The following PIGF variants were observed in gnomAD, a reference collection of about 807,000 sequenced individuals.
PIGF encodes the protein phosphatidylinositol glycan anchor biosynthesis class F, also known as GPI ethanolamine phosphate transferase, stabilizing subunit.
PIGF carries 23 observed loss-of-function variants against 26.0 expected under a neutral mutation model. The ratio of observed to expected loss-of-function variants is 0.88; its 90% CI spans 0.64 to 1.25. The LOEUF is 1.25. Ranked by LOEUF, PIGF falls within the 50% of genes most tolerant of loss-of-function variation. The pLI is 0.00. For synonymous variants in PIGF, 93 were observed against 92.6 expected, an observed-to-expected ratio of 1.00 and a Z score of -0.03; for missense variants, 278 against 249.9, an observed-to-expected ratio of 1.11 and a Z score of -0.76.
chr2:46,598,105 G>T (rs1057072229), intron 4 of PIGF, among the ~76,000 whole-genome samples: 1 of 151,216 alleles, frequency 6.6e-6, no homozygotes, highest in African/African-American at 2.4e-5. Context: ...GTTTGACTAG[G>T]GAATCTTTTC....
At chr2:46,593,163 T>C (rs567880937) in intron 4 of PIGF, among the ~76,000 whole-genome samples, 2 of 146,664 alleles carry the variant, frequency 1.4e-5, no homozygotes, top group African/African-American at 5.0e-5. Context: ...AGACGGAGTC[T>C]CACTCTGTGT....
intron 4 of PIGF, among the ~76,000 whole-genome samples, chr2:46,593,151 T>C (rs1258208071): frequency 6.6e-6 from 1 of 151,260 alleles, no homozygotes; most frequent in Non-Finnish European, 1.5e-5. Flanking sequence ...TTTTTTTTTT[T>C]CAGACGGAGT....
At chr2:46,581,760 T>A in intron 5 of PIGF, 169 bp from the exon 6 acceptor site, 1 of 960,882 alleles carries the variant, frequency 1.0e-6, no homozygotes, top group Non-Finnish European at 1.5e-6. Context: ...AATGTACACA[T>A]TTTAGTTAAT....
At chr2:46,608,846 G>A (rs1446372183) in intron 4 of PIGF, among the ~76,000 whole-genome samples, 1 of 152,134 alleles carries the variant, frequency 6.6e-6, no homozygotes, top group African/African-American at 2.4e-5. Context: ...AAACAGATGT[G>A]CTGTCATCCA....
chr2:46,612,804 G>C (rs1205703685), intron 3 of PIGF, among the ~76,000 whole-genome samples: 2 of 152,128 alleles, frequency 1.3e-5, no homozygotes, highest in East Asian at 1.9e-4. Flanking sequence ...ATAAACTAAA[G>C]ATTGGTGGGG....
At chr2:46,607,642 T>G (rs539100089) in intron 4 of PIGF, among the ~76,000 whole-genome samples, 1 of 152,174 alleles carries the variant, frequency 6.6e-6, no homozygotes, top group Admixed American at 6.5e-5. Flanking sequence ...GTGGCCTTGA[T>G]GTTGACGGCT....
chr2:46,599,338 C>T (rs1669986811), intron 4 of PIGF, among the ~76,000 whole-genome samples: 1 of 152,162 alleles, frequency 6.6e-6, no homozygotes, highest in Non-Finnish European at 1.5e-5. Context: ...GATGTACAAA[C>T]TGGAGAATCC....
Position 46,612,323 on chromosome 2 carries a change from T to A in PIGF, c.342A>T (p.Leu114Phe), listed in dbSNP as rs1171454794. 6.9e-7 allele frequency: 1 copy of A among 1,439,438 alleles called. No homozygotes were observed. The highest frequency in any genetic ancestry group is 9.3e-7 in the Non-Finnish European group (1 of 1,077,440). 89.2% of individuals were successfully genotyped at this position (1,439,438 alleles called of 1,614,324 possible). The part of the protein sequence containing the change: ...PLIELALETF[L>F]FAVILSTFTT... ...TAAAAGTAGACAAAATAACTGCAAA[T>A]AAAAATGTTTCCAATGCCAACCTAG... is the stretch of plus-strand genomic sequence containing the variant. The change falls in exon 4 of 6, where the codon TTA (leucine) becomes TTT (phenylalanine). Residue 114 changes from leucine (L) to phenylalanine (F), a missense_variant. By Grantham distance (22) the Leu-to-Phe change is conservative. Coordinates refer to ENST00000281382, the MANE Select transcript of PIGF (RefSeq NM_002643.4).
At chr2:46,613,062 A>G (rs1670478916) in intron 3 of PIGF, among the ~76,000 whole-genome samples, 1 of 151,334 alleles carries the variant, frequency 6.6e-6, no homozygotes. Context: ...ATATATATAA[A>G]ATGGTATACT....
chr2:46,581,328 A>G lies in PIGF; in HGVS notation c.*150T>C. On this transcript the variant is annotated 3_prime_UTR_variant, in exon 6 of 6. Transcript: ENST00000281382. The stretch of plus-strand genomic sequence containing the variant: ...TTTCAACTAGAAGGTACAATCTCTC[A>G]GGGGTTTCATAGTTTAAAAAGCTAC... 8.3e-7 allele frequency: 1 copy of G among 1,204,226 alleles called. No individual in the cohort carries two copies. The highest frequency in any genetic ancestry group is 2.6e-5 in the East Asian group (1 of 38,934). 74.6% of individuals were successfully genotyped at this position (1,204,226 alleles called of 1,614,324 possible).
In PIGF at chr2:46,615,341, A is replaced by T; in HGVS notation, c.-21-156T>A. On this transcript the variant is annotated intron_variant, in intron 1 of 5. Transcript: ENST00000281382. ...GATGCAGACGTGTAGATGCACATACAGACTTAGCTTTCTATTCTACCTTTG... is the reference window on the plus strand; with the variant it reads ...GATGCAGACGTGTAGATGCACATACTGACTTAGCTTTCTATTCTACCTTTG... 3 of 509,554 alleles carry T rather than the reference A, an allele frequency of 5.9e-6. No individual in the cohort carries two copies. In the South Asian group the frequency reaches 6.9e-5, roughly 12 times the overall value. 31.6% of individuals were successfully genotyped at this position (509,554 alleles called of 1,614,324 possible). A position where few individuals can be genotyped will look rare whatever the true frequency, so the allele number is the denominator to read the frequency against.
In PIGF at chr2:46,588,230, T is replaced by C. The variant is rs1416338989; in HGVS notation, c.546+4245A>G. On this transcript the variant is annotated intron_variant, in intron 5 of 5. Coordinates refer to ENST00000281382, the MANE Select transcript of PIGF (RefSeq NM_002643.4). The surrounding 1 kb of genome is among the most constrained non-coding windows in gnomAD (Gnocchi z 4.1). ...TTATGTGAAATCCAAATACCCTAAA[T>C]TGGCATAACTAAATACCAGAGAAAT... 2.5e-6 allele frequency: 4 copies of C among 1,602,416 alleles called. No homozygotes were observed. Among genetic ancestry groups the C allele is most frequent in the Non-Finnish European group, 3.4e-6 (4 of 1,175,660 alleles).
intron 4 of PIGF, among the ~76,000 whole-genome samples, chr2:46,609,324 T>C (rs889552689): frequency 6.6e-6 from 1 of 152,250 alleles, no homozygotes; most frequent in Admixed American, 6.5e-5. Context: ...AGGCTTACTC[T>C]GGATTAGGAT....
chr2:46,601,570 A>C (rs1233623042), intron 4 of PIGF, among the ~76,000 whole-genome samples: 1 of 152,088 alleles, frequency 6.6e-6, no homozygotes, highest in African/African-American at 2.4e-5. Context: ...CTAGTGGCTA[A>C]AGGTATTTTA....
chr2:46,613,035 T>A (rs1261727365), intron 3 of PIGF, among the ~76,000 whole-genome samples: 1 of 139,388 alleles, frequency 7.2e-6, no homozygotes, highest in Non-Finnish European at 1.6e-5. Context: ...TACGTAAAAC[T>A]ATGTATAAAT....
intron 5 of PIGF, chr2:46,582,727 C>G (rs1572763766): frequency 6.6e-6 from 1 of 152,574 alleles, no homozygotes; most frequent in African/African-American, 2.4e-5. Context: ...AACTTTTATA[C>G]TTGAAAATGA....
intron 5 of PIGF, chr2:46,587,953 A>G (rs1349375802): frequency 1.5e-6 from 1 of 684,792 alleles, no homozygotes; most frequent in Non-Finnish European, 2.2e-6. Context: ...ATCATGGTGT[A>G]GTGGGGCTCT....
At chr2:46,590,382 G>T (rs532237808) in intron 5 of PIGF, among the ~76,000 whole-genome samples, 1 of 152,146 alleles carries the variant, frequency 6.6e-6, no homozygotes, top group South Asian at 2.1e-4. Flanking sequence ...TATTTTCTAA[G>T]CAAACCTAAA....
rs115766538 is a variant in PIGF at position 46,599,328 on chromosome 2, G to T, written c.438-6745C>A. On this transcript the variant is annotated intron_variant, in intron 4 of 5. Transcript: ENST00000281382. ...TTTTCTTGATATAGTGAGTCCCTTT[G>T]ATGTACAAACTGGAGAATCCCTTCA... 6.6e-3 allele frequency among the ~76,000 whole-genome samples: 999 copies of T among 152,180 alleles called. 11 individuals carry two copies. The highest frequency in any genetic ancestry group is 0.022 in the African/African-American group (905 of 41,514).
Sources: gnomAD v4.1 joint callset for allele counts (sites outside exome capture counted in the v4.1 genomes callset) on GRCh38, gnomAD v4.1.1 for gene constraint, Gnocchi (gnomAD v3.1) non-coding constraint, MANE v1.5 for transcripts, NCBI Gene and HGNC (gene_info 2026-07-23, HGNC 2026-07-21) for gene names.